CLYBL: variants seen among roughly 807,000 people sequenced by gnomAD.
The protein encoded by CLYBL is citramalyl-CoA lyase, mitochondrial.
CLYBL carries 31 observed loss-of-function variants against 38.9 expected under a neutral mutation model. The ratio of observed to expected loss-of-function variants is 0.80; its 90% confidence interval spans 0.60 to 1.08. CLYBL has a LOEUF of 1.08. Ranked by LOEUF, CLYBL falls within the 50% of genes least tolerant of loss-of-function variation. The pLI, the probability that CLYBL is intolerant of heterozygous loss-of-function variation, is 0.00. For missense variants in CLYBL, 434 were observed against 411.6 expected, an observed-to-expected ratio of 1.05 and a Z score of -0.47; for synonymous variants, 171 against 158.6, an observed-to-expected ratio of 1.08 and a Z score of -0.59.
intron 1 of CLYBL, among the ~76,000 whole-genome samples, chr13:99,736,856 C>G (rs1358571669): frequency 6.6e-6 from 1 of 152,146 alleles, no homozygotes; most frequent in Non-Finnish European, 1.5e-5. Context: ...CAACTTCCCC[C>G]AAGGCTGAAT....
At chr13:99,709,896 C>T (rs1329831647) in intron 1 of CLYBL, among the ~76,000 whole-genome samples, 3 of 143,424 alleles carry the variant, frequency 2.1e-5, no homozygotes, top group Non-Finnish European at 3.0e-5. Flanking sequence ...CTGGTTTCGC[C>T]CCTACCTTTT....
Position 99,777,554 on chromosome 13 carries a change from G to A in CLYBL, c.249+4544G>A, listed in dbSNP as rs939183171. ...GTTGCCCAGGCTAGAGTGCAATGGT[G>A]TGATCTCAGCTTAATGCAACCTCCG... On this transcript the variant is annotated intron_variant, in intron 2 of 8. Coordinates refer to ENST00000339105, the MANE Select transcript of CLYBL (RefSeq NM_206808.5). Among the ~76,000 whole-genome samples, 4 of 150,216 alleles carry A rather than the reference G, an allele frequency of 2.7e-5. No homozygotes were observed. In the East Asian group the frequency reaches 7.8e-4, roughly 29 times the overall value.
intron 1 of CLYBL, among the ~76,000 whole-genome samples, chr13:99,743,441 A>G (rs116522210): frequency 2.0e-5 from 3 of 152,336 alleles, no homozygotes; most frequent in African/African-American, 7.2e-5. Context: ...TGAAATGTAC[A>G]TGCAGACAAG....
chr13:99,723,673 C>T (rs1407336516), intron 1 of CLYBL, among the ~76,000 whole-genome samples: 1 of 152,196 alleles, frequency 6.6e-6, no homozygotes, highest in African/African-American at 2.4e-5. Context: ...ACACGGGCAT[C>T]TTCAGTGCCC....
At chr13:99,896,201 C>A (rs6491536), downstream of CLYBL, 106,822 of 151,742 alleles carry the variant, frequency 0.7, 38,597 homozygotes, top group East Asian at 0.79. Context: ...GCGCGCCTGT[C>A]GCGCAGCCCG....
At chr13:99,675,866 T>C (rs991766895) in intron 1 of CLYBL, among the ~76,000 whole-genome samples, 1 of 152,182 alleles carries the variant, frequency 6.6e-6, no homozygotes, top group Non-Finnish European at 1.5e-5. Context: ...GTTGTATGGG[T>C]ATATTTCTTC....
At chr13:99,902,487 G>A (rs1816131879) in intron 8 of CLYBL, among the ~76,000 whole-genome samples, 1 of 152,148 alleles carries the variant, frequency 6.6e-6, no homozygotes, top group African/African-American at 2.4e-5. Flanking sequence ...TTTTAAACTG[G>A]TTTGTTCAGA....
chr13:99,833,667 C>T lies in CLYBL; in HGVS notation c.250-25194C>T, dbSNP rs1200295228. Among the ~76,000 whole-genome samples the T allele has an allele frequency of 2.5e-5, 3 of 118,812 alleles. No homozygotes were observed. The East Asian group carries it at 9.0e-4, about 36-fold the overall frequency. The allele number at this position is 118,812 out of a possible 152,430, so 77.9% of individuals were successfully genotyped here. On this transcript the variant is annotated intron_variant, in intron 2 of 8. Coordinates refer to ENST00000339105, the MANE Select transcript of CLYBL (RefSeq NM_206808.5). ...CCTGAGCACCAAATGTGACAGGAAG[C>T]GGGGTTACCGTGTTGCTTTTTTTTT...
intron 2 of CLYBL, among the ~76,000 whole-genome samples, chr13:99,790,859 C>T (rs1345692933): frequency 6.6e-6 from 1 of 152,206 alleles, no homozygotes; most frequent in African/African-American, 2.4e-5. Flanking sequence ...TTTCTACATC[C>T]TATGACTTTT....
intron 7 of CLYBL, among the ~76,000 whole-genome samples, chr13:99,878,179 C>T (rs2052100205): frequency 6.6e-6 from 1 of 152,144 alleles, no homozygotes; most frequent in Admixed American, 6.5e-5. Flanking sequence ...ATATGACATA[C>T]TTCTGCTGCC....
intron 2 of CLYBL, among the ~76,000 whole-genome samples, chr13:99,786,024 C>T (rs900056136): frequency 6.6e-6 from 1 of 152,020 alleles, no homozygotes. Context: ...CTTGCCCATC[C>T]CCCAGTTGTC....
chr13:99,772,646 G>A (rs943201319), intron 1 of CLYBL, among the ~76,000 whole-genome samples, 178 bp from the exon 2 acceptor site: 2 of 151,536 alleles, frequency 1.3e-5, no homozygotes, highest in African/African-American at 4.9e-5. Flanking sequence ...GCAGTGAGCC[G>A]AGATCACACC....
intron 1 of CLYBL, among the ~76,000 whole-genome samples, chr13:99,629,204 C>T (rs1191669707): frequency 6.6e-6 from 1 of 152,204 alleles, no homozygotes; most frequent in Non-Finnish European, 1.5e-5. Flanking sequence ...TGACAAATGG[C>T]CCTGACAGGG....
intron 1 of CLYBL, among the ~76,000 whole-genome samples, chr13:99,762,421 T>G (rs764638018): frequency 3.3e-5 from 5 of 152,228 alleles, no homozygotes; most frequent in Admixed American, 1.3e-4. Context: ...GAAGAGACAG[T>G]TCTTTCCTCA....
At chr13:99,666,467 A>T (rs2047482991) in intron 1 of CLYBL, among the ~76,000 whole-genome samples, 2 of 152,266 alleles carry the variant, frequency 1.3e-5, no homozygotes, top group African/African-American at 4.8e-5. Context: ...GTTCTGCACC[A>T]CAACTCTCAC....
At chr13:99,673,030 A>C (rs1594112420) in intron 1 of CLYBL, among the ~76,000 whole-genome samples, 1 of 152,176 alleles carries the variant, frequency 6.6e-6, no homozygotes, top group East Asian at 1.9e-4. Context: ...CCTAGAGCTT[A>C]CAATTCAGCA....
intron 2 of CLYBL, among the ~76,000 whole-genome samples, chr13:99,775,315 A>C (rs891161262): frequency 6.6e-6 from 1 of 152,180 alleles, no homozygotes; most frequent in Non-Finnish European, 1.5e-5. Flanking sequence ...TTATCTCCAT[A>C]GTAGTAGCAG....
intron 1 of CLYBL, among the ~76,000 whole-genome samples, chr13:99,631,177 C>G (rs2046938512): frequency 6.6e-6 from 1 of 151,988 alleles, no homozygotes; most frequent in Non-Finnish European, 1.5e-5. Flanking sequence ...GAAAAATTAG[C>G]CACGCATGGT....
intron 8 of CLYBL, among the ~76,000 whole-genome samples, chr13:99,904,815 C>G: frequency 6.6e-6 from 1 of 152,274 alleles, no homozygotes; most frequent in Middle Eastern, 3.4e-3. Context: ...CCCACAGCCC[C>G]GCAAGGCAGA....
Sources: gnomAD v4.1 joint callset for allele counts (sites outside exome capture counted in the v4.1 genomes callset) on GRCh38, gnomAD v4.1.1 for gene constraint, MANE v1.5 for transcripts, NCBI Gene and HGNC (gene_info 2026-07-23, HGNC 2026-07-21) for gene names.